The following TNRC18 variants were observed in gnomAD, a reference collection of about 807,000 sequenced individuals.
The protein encoded by TNRC18 is trinucleotide repeat-containing gene 18 protein.
TNRC18 carries 69 observed loss-of-function variants against 226.7 expected under a neutral mutation model. That is an observed-to-expected ratio of 0.30 (90% confidence interval 0.25 to 0.37). The LOEUF is 0.37. Among genes scored for constraint, TNRC18 ranks in the 10% least tolerant of loss-of-function variants. The probability of loss-of-function intolerance (pLI) is 1.00; values close to 1 mark genes in which losing one functional copy is unlikely to be tolerated. For missense variants in TNRC18, 4,754 were observed against 4,256.6 expected (o/e 1.12, Z -3.25); for synonymous variants, 2,449 against 1,927.6 (o/e 1.27, Z -7.09).
intron 18 of TNRC18, among the ~76,000 whole-genome samples, chr7:5,344,193 G>T (rs1284902405): frequency 6.6e-6 from 1 of 152,208 alleles, no homozygotes; most frequent in Non-Finnish European, 1.5e-5. Context: ...TAGCCTGGCT[G>T]GTGCATTTAG....
chr7:5,351,565 T>C (rs1791818419), intron 17 of TNRC18, among the ~76,000 whole-genome samples: 1 of 152,058 alleles, frequency 6.6e-6, no homozygotes, highest in South Asian at 2.1e-4. Context: ...GCAGTCCATA[T>C]AACAGCTCAA....
intron 5 of TNRC18, among the ~76,000 whole-genome samples, chr7:5,383,497 G>A (rs1779541255): frequency 6.6e-6 from 1 of 152,228 alleles, no homozygotes; most frequent in Non-Finnish European, 1.5e-5. Flanking sequence ...GAGGCCAGAG[G>A]GCTCGAGGCT....
At chr7:5,413,027 G>T (rs57707366) in intron 2 of TNRC18, among the ~76,000 whole-genome samples, 9,209 of 152,260 alleles carry the variant, frequency 0.06, 903 homozygotes, top group African/African-American at 0.21. Flanking sequence ...GGGCAGCAGA[G>T]GTGGTAAGGA....
At chr7:5,367,279 C>G (rs1248834692) in intron 11 of TNRC18, among the ~76,000 whole-genome samples, 2 of 151,842 alleles carry the variant, frequency 1.3e-5, no homozygotes, top group Admixed American at 1.3e-4. Context: ...GCAGGAGAAT[C>G]ACCTGAACCC....
intron 24 of TNRC18, among the ~76,000 whole-genome samples, chr7:5,316,274 C>CTTTTTTTTTTT (rs1278896095): frequency 1.2e-5 from 1 of 86,534 alleles, no homozygotes. Context: ...AGAAATGGGT[C>CTTTTTTTTTTT]TTTTTTTTTT....
At chr7:5,411,204 A>G (rs1781818530) in intron 2 of TNRC18, among the ~76,000 whole-genome samples, 1 of 139,828 alleles carries the variant, frequency 7.2e-6, no homozygotes, top group Non-Finnish European at 1.5e-5. Flanking sequence ...CTACAGAGTG[A>G]GACTCCATCT....
intron 2 of TNRC18, among the ~76,000 whole-genome samples, chr7:5,397,270 G>A (rs1023394367): frequency 4.6e-5 from 7 of 152,190 alleles, no homozygotes; most frequent in Non-Finnish European, 8.8e-5. Context: ...AGAAGGCTCC[G>A]GAAGCCAGCA....
At chr7:5,311,269 A>C (rs1055065898) in intron 27 of TNRC18, among the ~76,000 whole-genome samples, 3 of 152,242 alleles carry the variant, frequency 2.0e-5, no homozygotes, top group Non-Finnish European at 4.4e-5. Context: ...GTAGACAGCC[A>C]CAGGCAGGCT....
At chr7:5,327,612 G>GA (rs1022645009) in intron 19 of TNRC18, among the ~76,000 whole-genome samples, 4 of 149,748 alleles carry the variant, frequency 2.7e-5, no homozygotes, top group African/African-American at 4.9e-5. Flanking sequence ...AATGACAGCA[G>GA]AAAAAAAAAG....
In TNRC18 at chr7:5,307,440, G is replaced by C. The variant is rs1562465997; in HGVS notation, c.*666C>G. On this transcript the variant is annotated 3_prime_UTR_variant, in exon 30 of 30. Coordinates refer to ENST00000430969, the MANE Select transcript of TNRC18 (RefSeq NM_001080495.3). ...CCGGGCGACAGTTTCAGCACCATTG[G>C]GGTTTTCTGTAGTGTGAGGGTTTGG... The C allele has an allele frequency of 2.7e-6, 1 of 371,208 alleles. No homozygotes were observed. The highest frequency in any genetic ancestry group is 5.5e-6 in the Non-Finnish European group (1 of 180,826). 23.0% of individuals were successfully genotyped at this position (371,208 alleles called of 1,614,324 possible).
chr7:5,341,106 C>T (rs1790638796), intron 18 of TNRC18, among the ~76,000 whole-genome samples: 1 of 151,902 alleles, frequency 6.6e-6, no homozygotes, highest in Admixed American at 6.6e-5. Flanking sequence ...TCTCCTCTGC[C>T]AGGGGTCTAC....
At position 5,416,494 on chromosome 7, in the gene TNRC18, G is replaced by A. The variant is rs1782196998; in HGVS notation, c.187+4566C>T. Among the ~76,000 whole-genome samples the A allele has an allele frequency of 2.0e-5, 3 of 152,382 alleles. No homozygotes were observed. In the East Asian group the frequency reaches 5.8e-4, roughly 29 times the overall value. ...CTCGCTACTCGGGCGGCTGAGGCAG[G>A]ATGATCTCTTGAGCCCAGGAGTTTG... On this transcript the variant is annotated intron_variant, in intron 2 of 29. Coordinates refer to ENST00000430969, the MANE Select transcript of TNRC18 (RefSeq NM_001080495.3).
intron 14 of TNRC18, among the ~76,000 whole-genome samples, chr7:5,360,401 TG>T (rs1221355435): frequency 1.3e-5 from 2 of 151,988 alleles, no homozygotes; most frequent in African/African-American, 4.8e-5. Context: ...GGCTAATTTT[TG>T]TATTTTTAGT....
chr7:5,355,884 C>A (rs1792315972), intron 16 of TNRC18, among the ~76,000 whole-genome samples: 1 of 151,676 alleles, frequency 6.6e-6, no homozygotes, highest in Non-Finnish European at 1.5e-5. Context: ...TCTCAAAAAA[C>A]GCACGGCACA....
intron 2 of TNRC18, among the ~76,000 whole-genome samples, chr7:5,399,631 A>C (rs1386281596): frequency 6.6e-6 from 1 of 151,870 alleles, no homozygotes; most frequent in Non-Finnish European, 1.5e-5. Flanking sequence ...GCTTGAACCC[A>C]GGAGGCAGAG....
intron 2 of TNRC18, among the ~76,000 whole-genome samples, chr7:5,407,733 G>C (rs1209747882): frequency 6.6e-6 from 1 of 152,216 alleles, no homozygotes; most frequent in Non-Finnish European, 1.5e-5. Context: ...GTCCATCTCA[G>C]CCTTGCCCCT....
chr7:5,388,299 T>C lies in TNRC18; in HGVS notation c.1525A>G (p.Lys509Glu). 1 of 1,607,908 alleles carries C rather than the reference T, an allele frequency of 6.2e-7. No homozygotes were observed. The highest frequency in any genetic ancestry group is 1.1e-5 in the South Asian group (1 of 90,634). Residue 509 changes from lysine to glutamate, a missense_variant, in exon 5 of 30, where the codon AAA (lysine) becomes GAA (glutamate). By Grantham distance (56) the Lys-to-Glu change is moderately conservative. Transcript: ENST00000430969. ...TTGCCCAGCTCGAAGGGTTTCCATT[T>C]ATGCTCAGGGCCGGTGGGCGGGGGG... is the stretch of plus-strand genomic sequence containing the variant. Reference protein sequence around the residue: ...GRPPPTGPEHKWKPFELGNFA... With the variant: ...GRPPPTGPEHEWKPFELGNFA...
intron 5 of TNRC18, among the ~76,000 whole-genome samples, chr7:5,380,307 A>ATG (rs752665668): frequency 6.6e-5 from 10 of 152,218 alleles, no homozygotes; most frequent in Non-Finnish European, 1.5e-4. Context: ...TTAGCCAGGC[A>ATG]TGGTGTCATG....
intron 18 of TNRC18, among the ~76,000 whole-genome samples, chr7:5,337,603 G>A (rs866816562): frequency 6.6e-6 from 1 of 152,104 alleles, no homozygotes; most frequent in Non-Finnish European, 1.5e-5. Context: ...AGAATGAAAA[G>A]CAACAGAAAT....
Sources: gnomAD v4.1 joint callset for allele counts (sites outside exome capture counted in the v4.1 genomes callset) on GRCh38, gnomAD v4.1.1 for gene constraint, MANE v1.5 for transcripts, NCBI Gene and HGNC (gene_info 2026-07-23, HGNC 2026-07-21) for gene names.